TENM1: variants seen among roughly 807,000 people sequenced by gnomAD.
TENM1 encodes teneurin-1.
Under a neutral mutation model 174.8 loss-of-function variants are expected in TENM1, and 35 were observed. The observed-to-expected ratio is 0.20, with a 90% CI of 0.15 to 0.27. The LOEUF (loss-of-function observed/expected upper bound fraction) is 0.27, where lower values mean the gene tolerates loss of function less well. TENM1 is among the 10% of genes least tolerant of loss of function. The probability of loss-of-function intolerance (pLI) is 1.00; values close to 1 mark genes in which losing one functional copy is unlikely to be tolerated. For missense variants in TENM1, 1,633 were observed against 2,130.1 expected (o/e 0.77, Z 4.59); for synonymous variants, 781 against 798.7 (o/e 0.98, Z 0.37).
chrX:124,573,418 T>C (rs2148193326), intron 11 of TENM1, among the ~76,000 whole-genome samples: 1 of 111,879 alleles, frequency 8.9e-6, no homozygotes, highest in Non-Finnish European at 1.9e-5. Flanking sequence ...TTTGTTTGTA[T>C]TTATTAATTT....
intron 3 of TENM1, among the ~76,000 whole-genome samples, chrX:124,811,918 A>C (rs1404886181): frequency 9.0e-6 from 1 of 111,578 alleles, no homozygotes; most frequent in Non-Finnish European, 1.9e-5. Context: ...AATCTAAAAA[A>C]GTTGATCTCA....
chrX:124,527,723 A>T (rs1483226272), intron 16 of TENM1, among the ~76,000 whole-genome samples: 1 of 98,947 alleles, frequency 1.0e-5, no homozygotes, highest in East Asian at 3.1e-4. Context: ...ATCTCGGCTC[A>T]CTGCAACCTC....
At chrX:124,784,150 T>C (rs1487729445) in intron 3 of TENM1, among the ~76,000 whole-genome samples, 1 of 111,931 alleles carries the variant, frequency 8.9e-6, no homozygotes, top group Admixed American at 9.5e-5. Context: ...ATGTCCAAAA[T>C]ACAGTCCAAA....
chrX:124,411,460 C>G (rs1054167560), intron 25 of TENM1, among the ~76,000 whole-genome samples: 28 of 111,312 alleles, frequency 2.5e-4, no homozygotes, highest in African/African-American at 8.2e-4. Context: ...AGTTATATTG[C>G]CTCATTTCCT....
intron 3 of TENM1, among the ~76,000 whole-genome samples, chrX:124,811,739 CAAT>C (rs1335016055): frequency 9.0e-6 from 1 of 111,278 alleles, no homozygotes. Flanking sequence ...GCACTATTCA[CAAT>C]AGTCAAGATA....
chrX:124,494,029 A>C (rs1352276851), intron 20 of TENM1, among the ~76,000 whole-genome samples: 1 of 111,721 alleles, frequency 9.0e-6, no homozygotes. Flanking sequence ...TTCCCCAGCT[A>C]GGTGTTAGGG....
At chrX:124,904,252 T>C (rs944811821) in intron 1 of TENM1, among the ~76,000 whole-genome samples, 1 of 111,875 alleles carries the variant, frequency 8.9e-6, no homozygotes. Context: ...TGTAAGCATT[T>C]ACTTTGTGAT....
At chrX:124,579,439 A>G (rs2049248912) in intron 11 of TENM1, among the ~76,000 whole-genome samples, 1 of 111,162 alleles carries the variant, frequency 9.0e-6, no homozygotes, top group African/African-American at 3.3e-5. Flanking sequence ...CCTTTCCCAC[A>G]GCCTATCTCT....
intron 11 of TENM1, among the ~76,000 whole-genome samples, chrX:124,595,138 T>C (rs181864120): frequency 1.8e-5 from 2 of 112,012 alleles, no homozygotes; most frequent in African/African-American, 6.5e-5. Context: ...CTTTGCAGAG[T>C]TTTTGTGCAT....
At chrX:124,645,865 G>C (rs2051144487) in intron 9 of TENM1, among the ~76,000 whole-genome samples, 1 of 111,319 alleles carries the variant, frequency 9.0e-6, no homozygotes, top group Non-Finnish European at 1.9e-5. Flanking sequence ...TGCACTTTTT[G>C]AGGACAAGGC....
chrX:124,382,066 G>A (rs999200748), intron 31 of TENM1, among the ~76,000 whole-genome samples: 9 of 110,804 alleles, frequency 8.1e-5, no homozygotes, highest in African/African-American at 1.6e-4. Context: ...TTTTGTTTTC[G>A]CAAACACAGA....
intron 28 of TENM1, among the ~76,000 whole-genome samples, chrX:124,387,977 T>C (rs1357506811): frequency 8.9e-6 from 1 of 112,125 alleles, no homozygotes; most frequent in Non-Finnish European, 1.9e-5. Flanking sequence ...CAGAATTCAA[T>C]AGAACCAGCA....
At chrX:124,665,900 G>T (rs932987092) in intron 6 of TENM1, among the ~76,000 whole-genome samples, 2 of 111,426 alleles carry the variant, frequency 1.8e-5, no homozygotes, top group African/African-American at 6.5e-5. Flanking sequence ...TTGTAAAAAC[G>T]TTTTCACTGC....
chrX:124,922,673 T>C (rs1032674695), intron 1 of TENM1, among the ~76,000 whole-genome samples: 2 of 111,331 alleles, frequency 1.8e-5, no homozygotes. Context: ...AAATCCCACA[T>C]ATATTTTTTA....
In TENM1 at chrX:124,809,843, G is replaced by GGAGAGAGAGAGA. The variant is rs4027522; in HGVS notation, c.536-72658_536-72647dup. Among the ~76,000 whole-genome samples the GGAGAGAGAGAGA allele has an allele frequency of 8.2e-3, 647 of 78,638 alleles. 12 individuals carry two copies. The highest frequency in any genetic ancestry group is 9.3e-3 in the Non-Finnish European group (389 of 42,018). The allele number at this position is 78,638 out of a possible 115,157, so 68.3% of individuals were successfully genotyped here. A position where few individuals can be genotyped will look rare whatever the true frequency, so the allele number is the denominator to read the frequency against. ...GCAAGGCATATCTTACATGACAGCAGGAGAGAGAGAGAGAGAGAGAGAGAG... is the reference window on the plus strand; with the variant it reads ...GCAAGGCATATCTTACATGACAGCAGGAGAGAGAGAGAGAGAGAGAGAGAGAGAGAGAGAGAG... On this transcript the variant is annotated intron_variant, in intron 3 of 31. Coordinates refer to ENST00000422452, the Ensembl canonical transcript of TENM1.
the TENM1 span, among the ~76,000 whole-genome samples, chrX:125,123,648 ATAACT>A: frequency 9.0e-6 from 1 of 111,183 alleles, no homozygotes; most frequent in South Asian, 3.8e-4. Context: ...GTGGGTGCAA[ATAACT>A]TAACTCTACT....
the TENM1 span, among the ~76,000 whole-genome samples, chrX:125,142,421 G>A: frequency 1.8e-5 from 2 of 111,073 alleles, no homozygotes; most frequent in African/African-American, 3.3e-5. Context: ...GTTCTTGAAG[G>A]GTCACGGAGT....
intron 3 of TENM1, among the ~76,000 whole-genome samples, chrX:124,791,231 G>A (rs762252893): frequency 3.8e-4 from 42 of 111,711 alleles, no homozygotes; most frequent in Admixed American, 3.5e-3. Flanking sequence ...TATTTATAAC[G>A]ATTTCTGAAA....
the TENM1 span, among the ~76,000 whole-genome samples, chrX:125,015,818 G>C: frequency 1.9e-4 from 21 of 111,496 alleles, no homozygotes; most frequent in African/African-American, 6.8e-4. Flanking sequence ...CCATTAGTTC[G>C]TGCAACCACA....
Sources: allele counts gnomAD v4.1 joint callset (sites outside exome capture counted in the v4.1 genomes callset), GRCh38; gene constraint gnomAD v4.1.1; transcripts MANE v1.5; gene names NCBI Gene and HGNC (gene_info 2026-07-23, HGNC 2026-07-21).